The following NPAS3 variants were observed in gnomAD, a reference collection of about 807,000 sequenced individuals.
NPAS3 encodes the protein neuronal PAS domain-containing protein 3.
A neutral mutation model predicts 73.1 loss-of-function variants in NPAS3; 14 were observed. The ratio of observed to expected loss-of-function variants is 0.19; its 90% CI spans 0.13 to 0.30. NPAS3 has a LOEUF of 0.30. Among genes scored for constraint, NPAS3 ranks in the 10% least tolerant of loss-of-function variants. NPAS3 has a pLI of 1.00. For synonymous variants in NPAS3, 620 were observed against 541.5 expected (o/e 1.14, Z -2.01); for missense variants, 1,096 against 1,250.0 (o/e 0.88, Z 1.86).
intron 4 of NPAS3, among the ~76,000 whole-genome samples, chr14:33,464,128 T>C (rs2050399786): frequency 6.6e-6 from 1 of 152,182 alleles, no homozygotes. Flanking sequence ...AGGGACATTA[T>C]ATCTGTCACA....
chr14:33,753,873 A>C (rs2062036094), intron 7 of NPAS3, among the ~76,000 whole-genome samples: 1 of 152,226 alleles, frequency 6.6e-6, no homozygotes, highest in Admixed American at 6.5e-5. Flanking sequence ...TCTTTTCCTA[A>C]GTTAGCCATG....
chr14:33,750,282 A>G (rs2061926271), intron 7 of NPAS3, among the ~76,000 whole-genome samples: 1 of 151,454 alleles, frequency 6.6e-6, no homozygotes, highest in Non-Finnish European at 1.5e-5. Flanking sequence ...CCCTTTTGAC[A>G]TCATAGAGGT....
intron 2 of NPAS3, among the ~76,000 whole-genome samples, chr14:33,207,990 A>G (rs1431489291): frequency 6.6e-6 from 1 of 152,106 alleles, no homozygotes; most frequent in Non-Finnish European, 1.5e-5. Flanking sequence ...TCTGAGTTCA[A>G]TTGTGAAGTG....
intron 1 of NPAS3, among the ~76,000 whole-genome samples, chr14:32,961,337 G>A (rs2036906412): frequency 6.6e-6 from 1 of 151,554 alleles, no homozygotes; most frequent in Non-Finnish European, 1.5e-5. Flanking sequence ...CTTGAACCAG[G>A]GAGGTGGAGG....
intron 6 of NPAS3, among the ~76,000 whole-genome samples, chr14:33,705,535 G>A (rs572987320): frequency 6.6e-6 from 1 of 152,286 alleles, no homozygotes; most frequent in South Asian, 2.1e-4. Flanking sequence ...ACTTTCTTTT[G>A]TTGCAAAACC....
chr14:33,336,010 A>C (rs2044208945), intron 3 of NPAS3, among the ~76,000 whole-genome samples: 1 of 152,204 alleles, frequency 6.6e-6, no homozygotes, highest in African/African-American at 2.4e-5. Context: ...TTTTTAAAGA[A>C]AATGCAAAAC....
At chr14:33,651,980 C>T (rs1012094135) in intron 5 of NPAS3, among the ~76,000 whole-genome samples, 5 of 152,142 alleles carry the variant, frequency 3.3e-5, no homozygotes, top group Admixed American at 6.5e-5. Context: ...ATGAGGTGTT[C>T]CACATCCCAG....
chr14:33,509,309 C>G (rs2052926095), intron 4 of NPAS3, among the ~76,000 whole-genome samples: 1 of 152,006 alleles, frequency 6.6e-6, no homozygotes, highest in Non-Finnish European at 1.5e-5. Flanking sequence ...AGAAGAGAAT[C>G]TAAGCGCTAT....
At chr14:33,643,381 A>AG (rs2058730248) in intron 5 of NPAS3, among the ~76,000 whole-genome samples, 1 of 145,780 alleles carries the variant, frequency 6.9e-6, no homozygotes, top group African/African-American at 2.5e-5. Context: ...AAATTAAAAA[A>AG]AAAAAAAAAA....
chr14:33,792,347 G>A (rs2063382291), intron 9 of NPAS3, among the ~76,000 whole-genome samples: 1 of 152,012 alleles, frequency 6.6e-6, no homozygotes, highest in Non-Finnish European at 1.5e-5. Context: ...GCTTTTTCAA[G>A]TAACAGTTAA....
chr14:33,511,549 C>T (rs1983758), intron 4 of NPAS3, among the ~76,000 whole-genome samples: 47,769 of 151,604 alleles, frequency 0.32, 8,398 homozygotes, highest in Admixed American at 0.44. Context: ...GGCATGTGGC[C>T]GCGCTGTTGT....
At chr14:33,275,572 G>A (rs1452476147) in intron 3 of NPAS3, among the ~76,000 whole-genome samples, 2 of 152,150 alleles carry the variant, frequency 1.3e-5, no homozygotes, top group Non-Finnish European at 2.9e-5. Flanking sequence ...ATCAGGGTAG[G>A]TTGATAATGA....
At chr14:33,528,821 T>C (rs1272474525) in intron 4 of NPAS3, among the ~76,000 whole-genome samples, 1 of 152,112 alleles carries the variant, frequency 6.6e-6, no homozygotes, top group Non-Finnish European at 1.5e-5. Flanking sequence ...AACTGATAAT[T>C]ATTGAGTGTC....
chr14:33,483,065 A>C (rs1054367530), intron 4 of NPAS3, among the ~76,000 whole-genome samples: 2 of 152,162 alleles, frequency 1.3e-5, no homozygotes, highest in Non-Finnish European at 2.9e-5. Flanking sequence ...AGAAAGAGAA[A>C]TTTGTCCCAT....
intron 4 of NPAS3, among the ~76,000 whole-genome samples, chr14:33,419,849 G>A (rs2048301180): frequency 6.6e-6 from 1 of 151,854 alleles, no homozygotes; most frequent in South Asian, 2.1e-4. Flanking sequence ...GAGACAAGTA[G>A]GTAAAGTGAG....
chr14:33,209,922 C>G (rs754854), intron 2 of NPAS3, among the ~76,000 whole-genome samples: 21,457 of 151,230 alleles, frequency 0.14, 1,773 homozygotes, highest in East Asian at 0.33. Flanking sequence ...GTGGATCTGT[C>G]AATAAGGTCA....
At chr14:33,648,153 T>C (rs1257456701) in intron 5 of NPAS3, among the ~76,000 whole-genome samples, 1 of 152,172 alleles carries the variant, frequency 6.6e-6, no homozygotes, top group African/African-American at 2.4e-5. Flanking sequence ...TGGGACCCTT[T>C]TGCTGAACCC....
chr14:33,248,007 C>T (rs1000645258), intron 3 of NPAS3, among the ~76,000 whole-genome samples: 62 of 152,296 alleles, frequency 4.1e-4, no homozygotes, highest in African/African-American at 1.3e-3. Context: ...CAACTTCTGT[C>T]ATGGCAAAAT....
intron 3 of NPAS3, among the ~76,000 whole-genome samples, chr14:33,358,498 G>C (rs985255951): frequency 4.6e-5 from 7 of 152,110 alleles, no homozygotes; most frequent in Non-Finnish European, 8.8e-5. Context: ...GTAGATCCCA[G>C]GGTCCTGGCC....
Sources: gnomAD v4.1 joint callset for allele counts (sites outside exome capture counted in the v4.1 genomes callset) on GRCh38, gnomAD v4.1.1 for gene constraint, MANE v1.5 for transcripts, NCBI Gene and HGNC (gene_info 2026-07-23, HGNC 2026-07-21) for gene names.